Variants in NEMP2 observed in about 807,000 individuals in gnomAD.
NEMP2 encodes the protein nuclear envelope integral membrane protein 2.
Under a neutral mutation model 54.2 loss-of-function variants are expected in NEMP2, and 53 were observed. The ratio of observed to expected loss-of-function variants is 0.98; its 90% CI spans 0.78 to 1.23. The LOEUF is 1.23. NEMP2 is among the 50% of genes most tolerant of loss of function. The pLI is 0.00. For synonymous variants in NEMP2, 197 were observed against 190.3 expected (o/e 1.04, Z -0.29); for missense variants, 455 against 511.3 (o/e 0.89, Z 1.06).
chr2:190,509,076 C>A lies in NEMP2; in HGVS notation c.*113G>T. The stretch of plus-strand genomic sequence containing the variant: ...CTTTCCAGACTGACTTGTTTTTCTC[C>A]ACAGCAAATGTTTTTGCCACCGTTC... On this transcript the variant is annotated 3_prime_UTR_variant, in exon 9 of 9. Coordinates refer to ENST00000409150, the MANE Select transcript of NEMP2 (RefSeq NM_001142645.2). The surrounding 1 kb of genome is among the most constrained non-coding windows in gnomAD (Gnocchi z 6.1). The A allele has an allele frequency of 7.0e-7, 1 of 1,437,242 alleles. No individual in the cohort carries two copies. Among genetic ancestry groups the A allele is most frequent in the Non-Finnish European group, 9.2e-7 (1 of 1,085,996 alleles). 89.0% of individuals were successfully genotyped at this position (1,437,242 alleles called of 1,614,324 possible). A position where few individuals can be genotyped will look rare whatever the true frequency, so the allele number is the denominator to read the frequency against.
chr2:190,605,607 C>A, the NEMP2 span, among the ~76,000 whole-genome samples: 1 of 152,150 alleles, frequency 6.6e-6, no homozygotes, highest in Non-Finnish European at 1.5e-5. Context: ...GAACTCCTGA[C>A]CTCAGGCGAT....
chr2:190,639,992 ACTAT>A, the NEMP2 span, among the ~76,000 whole-genome samples: 1 of 152,128 alleles, frequency 6.6e-6, no homozygotes, highest in African/African-American at 2.4e-5. Context: ...GAAAATAAAA[ACTAT>A]CTATAATACC....
the NEMP2 span, among the ~76,000 whole-genome samples, chr2:190,612,235 A>T: frequency 7.0e-6 from 1 of 142,438 alleles, no homozygotes; most frequent in African/African-American, 2.7e-5. Flanking sequence ...GGCTCACTGT[A>T]ACCTCTGCCT....
chr2:190,491,850 T>C, the NEMP2 span, among the ~76,000 whole-genome samples: 2 of 152,164 alleles, frequency 1.3e-5, no homozygotes, highest in Non-Finnish European at 2.9e-5. The surrounding 1 kb of genome is among the most constrained non-coding windows in gnomAD (Gnocchi z 4.2). Context: ...AGGTCCATTA[T>C]TAAGTTAATC....
At chr2:190,585,883 A>T in the NEMP2 span, among the ~76,000 whole-genome samples, 41 of 152,144 alleles carry the variant, frequency 2.7e-4, 1 homozygote, top group Non-Finnish European at 1.2e-4. This position sits in a 1 kb window ranked among gnomAD's most constrained non-coding sequence, Gnocchi z 5.3. Flanking sequence ...GGCCAGAGGA[A>T]CCAGTCAATA....
the NEMP2 span, among the ~76,000 whole-genome samples, chr2:190,464,491 ACTT>A: frequency 6.6e-6 from 1 of 152,048 alleles, no homozygotes; most frequent in Non-Finnish European, 1.5e-5. Context: ...GGAAAAGTTC[ACTT>A]CTTTCTTCAA....
the NEMP2 span, among the ~76,000 whole-genome samples, chr2:190,428,436 G>A: frequency 6.6e-6 from 1 of 152,156 alleles, no homozygotes; most frequent in Non-Finnish European, 1.5e-5. Flanking sequence ...GAGAGTTCTA[G>A]TTGCTCCACA....
chr2:190,576,027 T>G, the NEMP2 span, among the ~76,000 whole-genome samples: 163 of 151,930 alleles, frequency 1.1e-3, 1 homozygote, highest in African/African-American at 3.8e-3. Flanking sequence ...CAGGCTGGAA[T>G]GCACAATCGT....
rs1465469356 is a variant in NEMP2, at chr2:190,523,902, A to T, written c.213+1361T>A. Among the ~76,000 whole-genome samples the T allele has an allele frequency of 1.3e-5, 2 of 152,132 alleles. No homozygotes were observed. The highest frequency in any genetic ancestry group is 2.9e-5 in the Non-Finnish European group (2 of 68,020). ...TCTTCTTTATAGTAGAATGCCAATG[A>T]ATGTAAATGGAATAATGGTGCCAGG... On this transcript the variant is annotated intron_variant, in intron 2 of 8. Coordinates refer to ENST00000409150, the MANE Select transcript of NEMP2 (RefSeq NM_001142645.2). The surrounding 1 kb of genome is among the most constrained non-coding windows in gnomAD (Gnocchi z 5.3).
the NEMP2 span, among the ~76,000 whole-genome samples, chr2:190,642,227 G>T: frequency 7.2e-5 from 11 of 152,054 alleles, no homozygotes; most frequent in East Asian, 3.9e-4. This position sits in a 1 kb window ranked among gnomAD's most constrained non-coding sequence, Gnocchi z 4.1. Flanking sequence ...TGTTGTTGTT[G>T]TTTTATTCTT....
At chr2:190,576,226 C>A in the NEMP2 span, among the ~76,000 whole-genome samples, 1 of 152,138 alleles carries the variant, frequency 6.6e-6, no homozygotes, top group Non-Finnish European at 1.5e-5. Flanking sequence ...CTGCCTTAGC[C>A]TCCCAAAGTG....
Position 190,530,558 on chromosome 2 carries a change from T to A in NEMP2, c.97+4001A>T, listed in dbSNP as rs1691107963. Among the ~76,000 whole-genome samples the A allele has an allele frequency of 6.6e-6, 1 of 152,196 alleles. No homozygotes were observed. Among genetic ancestry groups the A allele is most frequent in the South Asian group, 2.1e-4 (1 of 4,826 alleles). On this transcript the variant is annotated intron_variant, in intron 1 of 8. Coordinates refer to ENST00000409150, the MANE Select transcript of NEMP2 (RefSeq NM_001142645.2). This position sits in a 1 kb window ranked among gnomAD's most constrained non-coding sequence, Gnocchi z 4.6. ...TTATCACAGCTGGCCCACTGTTCTC[T>A]CTAGAGAGAACAGATCTTCCAATCT...
At chr2:190,624,345 T>G in the NEMP2 span, among the ~76,000 whole-genome samples, 1 of 152,168 alleles carries the variant, frequency 6.6e-6, no homozygotes, top group Non-Finnish European at 1.5e-5. Context: ...CATACATTGT[T>G]GATAGGAATG....
chr2:190,433,535 G>A, the NEMP2 span: 3 of 152,166 alleles, frequency 2.0e-5, no homozygotes, highest in African/African-American at 4.8e-5. The surrounding 1 kb of genome is among the most constrained non-coding windows in gnomAD (Gnocchi z 4.5). Context: ...AGAGGTGGTG[G>A]CCATATACAT....
chr2:190,507,741 C>G lies in NEMP2; in HGVS notation c.*1448G>C, dbSNP rs1426506915. 1 of 152,060 alleles carries G rather than the reference C, an allele frequency of 6.6e-6. No individual in the cohort carries two copies. The highest frequency in any genetic ancestry group is 1.5e-5 in the Non-Finnish European group (1 of 67,992). The allele number at this position is 152,060 out of a possible 1,614,324, so 9.4% of individuals were successfully genotyped here. A position where few individuals can be genotyped will look rare whatever the true frequency, so the allele number is the denominator to read the frequency against. On this transcript the variant is annotated 3_prime_UTR_variant, in exon 9 of 9. Transcript: ENST00000409150. This position sits in a 1 kb window ranked among gnomAD's most constrained non-coding sequence, Gnocchi z 4.4. ...CAAAGAGGAACTATCATTTGAAAAT[C>G]AATCTAGGAAGTTCCAGATGGATAG...
At chr2:190,623,240 G>A in the NEMP2 span, among the ~76,000 whole-genome samples, 26 of 151,854 alleles carry the variant, frequency 1.7e-4, no homozygotes, top group East Asian at 9.7e-4. Flanking sequence ...TGACCATACC[G>A]CCCAAAGCAA....
the NEMP2 span, chr2:190,436,563 C>G: frequency 6.2e-7 from 1 of 1,614,096 alleles, no homozygotes; most frequent in African/African-American, 1.3e-5. The surrounding 1 kb of genome is among the most constrained non-coding windows in gnomAD (Gnocchi z 5.3). Context: ...AGTTAACTAT[C>G]CTGCCAACAA....
At chr2:190,582,324 A>C in the NEMP2 span, among the ~76,000 whole-genome samples, 2 of 152,128 alleles carry the variant, frequency 1.3e-5, no homozygotes, top group Non-Finnish European at 2.9e-5. The surrounding 1 kb of genome is among the most constrained non-coding windows in gnomAD (Gnocchi z 4.6). Flanking sequence ...TTCATTTTCC[A>C]CCTGTATCCC....
At chr2:190,627,704 A>C in the NEMP2 span, among the ~76,000 whole-genome samples, 1 of 152,150 alleles carries the variant, frequency 6.6e-6, no homozygotes, top group African/African-American at 2.4e-5. The surrounding 1 kb of genome is among the most constrained non-coding windows in gnomAD (Gnocchi z 4.4). Context: ...GAAAACTTAG[A>C]GATGACCTAT....
Sources: allele counts gnomAD v4.1 joint callset (sites outside exome capture counted in the v4.1 genomes callset), GRCh38; gene constraint gnomAD v4.1.1; non-coding constraint Gnocchi (gnomAD v3.1); transcripts MANE v1.5; gene names NCBI Gene and HGNC (gene_info 2026-07-23, HGNC 2026-07-21).